AGAP1: variants seen among roughly 807,000 people sequenced by gnomAD.
AGAP1 encodes the protein arf-GAP with GTPase, ANK repeat and PH domain-containing protein 1.
A neutral mutation model predicts 105.3 loss-of-function variants in AGAP1; 29 were observed. The ratio of observed to expected loss-of-function variants is 0.28; its 90% CI spans 0.21 to 0.38. The LOEUF is 0.38. Ranked by LOEUF, AGAP1 falls within the 10% of genes least tolerant of loss-of-function variation. The pLI, the probability that AGAP1 is intolerant of heterozygous loss-of-function variation, is 1.00. For synonymous variants in AGAP1, 509 were observed against 485.9 expected (o/e 1.05, Z -0.63); for missense variants, 998 against 1,165.1 (o/e 0.86, Z 2.09).
chr2:235,531,759 C>T (rs1466253330), intron 1 of AGAP1, among the ~76,000 whole-genome samples: 1 of 152,036 alleles, frequency 6.6e-6, no homozygotes, highest in African/African-American at 2.4e-5. Flanking sequence ...CAGGTGCCTG[C>T]CACCACGCCC....
chr2:235,906,184 C>G lies in AGAP1; in HGVS notation c.1156-2554C>G, dbSNP rs373453610. 6.6e-6 allele frequency among the ~76,000 whole-genome samples: 1 copy of G among 152,136 alleles called. No individual in the cohort carries two copies. Among genetic ancestry groups the G allele is most frequent in the Non-Finnish European group, 1.5e-5 (1 of 68,034 alleles). On this transcript the variant is annotated intron_variant, in intron 10 of 17. Coordinates refer to ENST00000304032, the MANE Select transcript of AGAP1 (RefSeq NM_001037131.3). This position sits in a 1 kb window ranked among gnomAD's most constrained non-coding sequence, Gnocchi z 5.3. ...TGGCCAGTCACCAGCCTCGGGTGGC[C>G]GGGCACCTCTGCTCCCGGCCTCTGG...
rs2057457338 is a variant in AGAP1, at chr2:236,038,765, A to G, written c.1801-1986A>G. 1.3e-5 allele frequency among the ~76,000 whole-genome samples: 2 copies of G among 151,904 alleles called. No homozygotes were observed. Among genetic ancestry groups the G allele is most frequent in the African/African-American group, 2.4e-5 (1 of 41,370 alleles). On this transcript the variant is annotated intron_variant, in intron 14 of 17. Coordinates refer to ENST00000304032, the MANE Select transcript of AGAP1 (RefSeq NM_001037131.3). This position sits in a 1 kb window ranked among gnomAD's most constrained non-coding sequence, Gnocchi z 4.5. ...CATAGCTAGACAGACAGACAAACCA[A>G]CCAACCACAGAAATGATACAGGTAC... is the stretch of plus-strand genomic sequence containing the variant.
intron 13 of AGAP1, among the ~76,000 whole-genome samples, chr2:236,026,609 A>G (rs957471535): frequency 6.6e-6 from 1 of 152,162 alleles, no homozygotes; most frequent in Non-Finnish European, 1.5e-5. Context: ...GGCGCCTGCA[A>G]TCCCAGCTAC....
At chr2:235,693,424 GTC>G (rs1949839108) in intron 1 of AGAP1, among the ~76,000 whole-genome samples, 1 of 152,168 alleles carries the variant, frequency 6.6e-6, no homozygotes, top group Non-Finnish European at 1.5e-5. Flanking sequence ...CCCAAGTGCA[GTC>G]TCTGGCATGG....
chr2:235,778,287 T>C (rs1356328405), intron 6 of AGAP1, among the ~76,000 whole-genome samples: 1 of 152,218 alleles, frequency 6.6e-6, no homozygotes, highest in African/African-American at 2.4e-5. Flanking sequence ...TGGGTTTCCT[T>C]CTGCACTTTC....
chr2:236,086,530 A>G (rs1455308177), intron 16 of AGAP1, among the ~76,000 whole-genome samples: 2 of 152,222 alleles, frequency 1.3e-5, no homozygotes, highest in East Asian at 3.8e-4. Context: ...TTGGACAGCA[A>G]TTTGATTGCA....
rs1014559718 is a variant in AGAP1, at chr2:235,973,114, G to T, written c.1645+4491G>T. Among the ~76,000 whole-genome samples, 1 of 152,166 alleles carries T rather than the reference G, an allele frequency of 6.6e-6. No individual in the cohort carries two copies. Among genetic ancestry groups the T allele is most frequent in the Non-Finnish European group, 1.5e-5 (1 of 68,020 alleles). On this transcript the variant is annotated intron_variant, in intron 13 of 17. Transcript: ENST00000304032. The surrounding 1 kb of genome is among the most constrained non-coding windows in gnomAD (Gnocchi z 4.7). The stretch of plus-strand genomic sequence containing the variant: ...CTGCTGCTGCAAACCCAGAAACACT[G>T]TGTCTACACGGGGCTGTCAGGGTGA...
chr2:235,794,483 A>T (rs930887906), intron 6 of AGAP1, among the ~76,000 whole-genome samples: 1 of 152,048 alleles, frequency 6.6e-6, no homozygotes, highest in Non-Finnish European at 1.5e-5. Flanking sequence ...AATTAAATTT[A>T]ATTTTTTTGC....
At chr2:235,709,080 T>C in intron 1 of AGAP1, 99 bp from the exon 2 acceptor site, 1 of 1,211,906 alleles carries the variant, frequency 8.3e-7, no homozygotes, top group Non-Finnish European at 1.2e-6. Flanking sequence ...CTGCACCATC[T>C]TCAGTGACCT....
At chr2:236,029,201 C>A (rs747926659) in intron 13 of AGAP1, among the ~76,000 whole-genome samples, 1 of 145,994 alleles carries the variant, frequency 6.8e-6, no homozygotes. Context: ...TTTTTGTTTA[C>A]ATATTTATCA....
intron 9 of AGAP1, among the ~76,000 whole-genome samples, chr2:235,836,201 C>T (rs1960136269): frequency 6.6e-6 from 1 of 152,182 alleles, no homozygotes; most frequent in Non-Finnish European, 1.5e-5. Flanking sequence ...AGCCCTTTAG[C>T]CGGCTTTTGA....
Position 235,970,435 on chromosome 2 carries a change from C to G in AGAP1, c.1645+1812C>G, listed in dbSNP as rs2054594718. Among the ~76,000 whole-genome samples the G allele has an allele frequency of 1.3e-5, 2 of 152,178 alleles. No individual in the cohort carries two copies. Among genetic ancestry groups the G allele is most frequent in the African/African-American group, 4.8e-5 (2 of 41,446 alleles). ...CTGCCAAGCACGTGCAGCCACCCCT[C>G]CCTGATTGGGAAGAAGGTTAGCCTC... On this transcript the variant is annotated intron_variant, in intron 13 of 17. Transcript: ENST00000304032. The surrounding 1 kb of genome is among the most constrained non-coding windows in gnomAD (Gnocchi z 5.4).
rs2052694687 is a variant in AGAP1, at chr2:235,930,956, C to T, written c.1483+33C>T. On this transcript the variant is annotated intron_variant, in intron 12 of 17. Coordinates refer to ENST00000304032, the MANE Select transcript of AGAP1 (RefSeq NM_001037131.3). The surrounding 1 kb of genome is among the most constrained non-coding windows in gnomAD (Gnocchi z 7.9). The stretch of plus-strand genomic sequence containing the variant: ...GGGGCTCAGCCCCACGGACCCGCAG[C>T]CACCTCAAGGTCCTTCGTTGTAAGC... 3 of 1,607,116 alleles carry T rather than the reference C, an allele frequency of 1.9e-6. No homozygotes were observed. In the African/African-American group the frequency reaches 4.0e-5, roughly 21 times the overall value.
At chr2:235,513,255 T>G (rs11680695) in intron 1 of AGAP1, among the ~76,000 whole-genome samples, 1,479 of 61,654 alleles carry the variant, frequency 0.024, 6 homozygotes, top group Middle Eastern at 0.073. Context: ...CGCGGGTGGC[T>G]CATGCCTGTA....
rs1214484631 is a variant in AGAP1, at chr2:235,883,981, G to T, written c.1155+532G>T. ...TACATATAAGTTTGTTATATCCGTG[G>T]TGTATAAGATAGATGTATAAACAAA... On this transcript the variant is annotated intron_variant, in intron 10 of 17. Coordinates refer to ENST00000304032, the MANE Select transcript of AGAP1 (RefSeq NM_001037131.3). The surrounding 1 kb of genome is among the most constrained non-coding windows in gnomAD (Gnocchi z 4.5). Among the ~76,000 whole-genome samples, 1 of 152,192 alleles carries T rather than the reference G, an allele frequency of 6.6e-6. No homozygotes were observed. Among genetic ancestry groups the T allele is most frequent in the South Asian group, 2.1e-4 (1 of 4,826 alleles).
At chr2:235,833,624 G>A (rs558538285) in intron 9 of AGAP1, among the ~76,000 whole-genome samples, 3 of 151,504 alleles carry the variant, frequency 2.0e-5, no homozygotes, top group South Asian at 2.1e-4. Flanking sequence ...TTGACTTTTC[G>A]TTACAGTGAA....
chr2:235,819,035 A>G (rs1486825620), intron 9 of AGAP1, among the ~76,000 whole-genome samples: 3 of 152,156 alleles, frequency 2.0e-5, no homozygotes, highest in South Asian at 4.1e-4. Context: ...TCCAGTGTTC[A>G]TCGGAGTCCC....
chr2:235,572,976 T>TTTCTTCTTCTTCTTCTTC (rs1172737406), intron 1 of AGAP1, among the ~76,000 whole-genome samples: 8 of 104,072 alleles, frequency 7.7e-5, no homozygotes, highest in Admixed American at 3.8e-4. Context: ...CTCCATCTTT[T>TTTCTTCTTCTTCTTCTTC]TTCTTCTTCT....
chr2:236,008,123 C>T (rs374471308), intron 13 of AGAP1, among the ~76,000 whole-genome samples: 1 of 152,204 alleles, frequency 6.6e-6, no homozygotes, highest in South Asian at 2.1e-4. Flanking sequence ...GCATATAACA[C>T]TGTGCAGCCG....
Sources: gnomAD v4.1 joint callset for allele counts (sites outside exome capture counted in the v4.1 genomes callset) on GRCh38, gnomAD v4.1.1 for gene constraint, Gnocchi (gnomAD v3.1) non-coding constraint, MANE v1.5 for transcripts, NCBI Gene and HGNC (gene_info 2026-07-23, HGNC 2026-07-21) for gene names.